The following USP32 variants were observed in gnomAD, a reference collection of about 807,000 sequenced individuals.
USP32 encodes ubiquitin carboxyl-terminal hydrolase 32.
USP32 carries 59 observed loss-of-function variants against 204.8 expected under a neutral mutation model. The observed-to-expected ratio is 0.29, with a 90% CI of 0.23 to 0.36. The LOEUF is 0.36. USP32 is among the 10% of genes least tolerant of loss of function. The pLI is 1.00. For synonymous variants in USP32, 517 were observed against 678.4 expected (o/e 0.76, Z 3.70); for missense variants, 1,160 against 1,946.4 (o/e 0.60, Z 7.60).
At chr17:60,381,784 C>G (rs1481428725) in intron 1 of USP32, among the ~76,000 whole-genome samples, 3 of 152,166 alleles carry the variant, frequency 2.0e-5, no homozygotes, top group African/African-American at 4.8e-5. Flanking sequence ...TATAGCTTGA[C>G]TGAATTTTTA....
intron 1 of USP32, among the ~76,000 whole-genome samples, chr17:60,410,099 T>C (rs940876032): frequency 1.3e-5 from 2 of 152,192 alleles, no homozygotes; most frequent in African/African-American, 4.8e-5. Context: ...GCACAAGATT[T>C]GTAATCTCCC....
In USP32 at chr17:60,204,466, C is replaced by CTT. The variant is rs748141290; in HGVS notation, c.3249+979_3249+980dup. 4.7e-3 allele frequency among the ~76,000 whole-genome samples: 606 copies of CTT among 129,398 alleles called. 12 individuals are homozygous for CTT. The highest frequency in any genetic ancestry group is 0.015 in the African/African-American group (513 of 34,940). The allele number at this position is 129,398 out of a possible 152,430, so 84.9% of individuals were successfully genotyped here. A position where few individuals can be genotyped will look rare whatever the true frequency, so the allele number is the denominator to read the frequency against. ...CTAAACATGCCTGGCTTAGGAGATA[C>CTT]TTTTTTTTTTTTTTTTTTTTGAGAC... On this transcript the variant is annotated intron_variant, in intron 26 of 33. Coordinates refer to ENST00000300896, the MANE Select transcript of USP32 (RefSeq NM_032582.4).
At chr17:60,301,544 A>G in intron 3 of USP32, 55 bp downstream of exon 3, 2 of 1,107,266 alleles carry the variant, frequency 1.8e-6, no homozygotes, top group Non-Finnish European at 1.3e-6. Context: ...CAGAATTTTG[A>G]GATAAATTAT....
chr17:60,246,386 T>C (rs995246806), intron 11 of USP32, among the ~76,000 whole-genome samples: 1 of 151,608 alleles, frequency 6.6e-6, no homozygotes, highest in Non-Finnish European at 1.5e-5. Flanking sequence ...CATTTTATTG[T>C]GTATGTGTGT....
chr17:60,262,672 A>T (rs1240056445), intron 9 of USP32, among the ~76,000 whole-genome samples: 1 of 152,144 alleles, frequency 6.6e-6, no homozygotes, highest in Non-Finnish European at 1.5e-5. Context: ...ATCCAGGTCT[A>T]CAGCCTTCAA....
At chr17:60,235,454 A>T (rs2085697090) in intron 12 of USP32, among the ~76,000 whole-genome samples, 1 of 152,234 alleles carries the variant, frequency 6.6e-6, no homozygotes, top group African/African-American at 2.4e-5. Flanking sequence ...GAATGATGAG[A>T]TAGATAATGT....
At chr17:60,399,721 G>C (rs1667640977) in intron 1 of USP32, among the ~76,000 whole-genome samples, 1 of 151,962 alleles carries the variant, frequency 6.6e-6, no homozygotes, top group African/African-American at 2.4e-5. Context: ...TGGTCAGAGA[G>C]AAGCAAAAAG....
At chr17:60,236,032 G>GAGCATTTTATTATTGGCTGGTAGTCAT (rs1567791273) in intron 12 of USP32, 106 bp downstream of exon 12, 17 of 870,182 alleles carry the variant, frequency 2.0e-5, no homozygotes, top group South Asian at 5.8e-5. Context: ...ATTTAAGTTG[G>GAGCATTTTATTATTGGCTGGTAGTCAT]AGCATTTTAT....
chr17:60,239,443 T>A (rs182586254), intron 11 of USP32, among the ~76,000 whole-genome samples: 1 of 152,346 alleles, frequency 6.6e-6, no homozygotes, highest in East Asian at 1.9e-4. Context: ...TTCCTAAGAT[T>A]CTTATGTTGA....
At chr17:60,232,476 A>ATTTTTT (rs764051983) in intron 12 of USP32, among the ~76,000 whole-genome samples, 6 of 120,374 alleles carry the variant, frequency 5.0e-5, no homozygotes, top group African/African-American at 2.2e-4. Flanking sequence ...CCTGGCCCAA[A>ATTTTTT]TTTTTTTTTT....
intron 2 of USP32, among the ~76,000 whole-genome samples, chr17:60,338,632 A>G (rs1049732768): frequency 6.6e-6 from 1 of 152,116 alleles, no homozygotes. Flanking sequence ...TGAGAGGCTG[A>G]GGTGAGAGGA....
intron 1 of USP32, among the ~76,000 whole-genome samples, chr17:60,378,331 T>C (rs78498204): frequency 3.9e-5 from 6 of 152,182 alleles, no homozygotes; most frequent in African/African-American, 1.4e-4. Flanking sequence ...GAAGGAGCAC[T>C]TGTGCATTGC....
intron 1 of USP32, among the ~76,000 whole-genome samples, chr17:60,355,420 G>A (rs1184733723): frequency 1.3e-5 from 2 of 152,146 alleles, no homozygotes; most frequent in Non-Finnish European, 2.9e-5. Flanking sequence ...TAAGGAGACC[G>A]ATTGCCGGAA....
intron 11 of USP32, among the ~76,000 whole-genome samples, chr17:60,243,342 C>G (rs773300994): frequency 1.9e-4 from 29 of 152,178 alleles, no homozygotes; most frequent in Non-Finnish European, 2.8e-4. Context: ...AATCTTGATG[C>G]CTTTTATTTC....
intron 29 of USP32, among the ~76,000 whole-genome samples, chr17:60,188,565 C>T (rs544685629): frequency 5.9e-4 from 90 of 152,198 alleles, no homozygotes; most frequent in African/African-American, 1.8e-3. Flanking sequence ...TTTCAACAAC[C>T]GCATTATATT....
Position 60,359,453 on chromosome 17 carries a change from C to CT in USP32, c.59-13846dup, listed in dbSNP as rs139506357. Among the ~76,000 whole-genome samples, 204 of 152,204 alleles carry CT rather than the reference C, an allele frequency of 1.3e-3. 1 individual carries two copies. Among genetic ancestry groups the CT allele is most frequent in the African/African-American group, 4.5e-3 (188 of 41,546 alleles). On this transcript the variant is annotated intron_variant, in intron 1 of 33. Transcript: ENST00000300896. ...TGCTATCTATTCTCTTGTCCAAGGCCTATGCTTATTACTAAACCTCAGCAT... is the reference window on the plus strand; with the variant it reads ...TGCTATCTATTCTCTTGTCCAAGGCCTTATGCTTATTACTAAACCTCAGCAT...
At chr17:60,215,521 G>C (rs2085079120) in intron 16 of USP32, among the ~76,000 whole-genome samples, 1 of 150,800 alleles carries the variant, frequency 6.6e-6, no homozygotes, top group Non-Finnish European at 1.5e-5. Flanking sequence ...GAGGTAAAAT[G>C]AGATGGGATT....
chr17:60,326,370 G>A (rs963529045), intron 2 of USP32, among the ~76,000 whole-genome samples: 4 of 151,862 alleles, frequency 2.6e-5, no homozygotes, highest in East Asian at 3.9e-4. Context: ...GAGTGGAATG[G>A]CGCAATCTCG....
intron 5 of USP32, among the ~76,000 whole-genome samples, chr17:60,283,047 A>G (rs2087009017): frequency 6.6e-6 from 1 of 152,254 alleles, no homozygotes; most frequent in South Asian, 2.1e-4. Flanking sequence ...TGTTGCAGAA[A>G]TGCAAATAGT....
Sources: gnomAD v4.1 joint callset for allele counts (sites outside exome capture counted in the v4.1 genomes callset) on GRCh38, gnomAD v4.1.1 for gene constraint, MANE v1.5 for transcripts, NCBI Gene and HGNC (gene_info 2026-07-23, HGNC 2026-07-21) for gene names.